Variants in MTA3 observed in about 807,000 individuals in gnomAD.
The protein encoded by MTA3 is metastasis associated 1 family member 3.
Under a neutral mutation model 83.5 loss-of-function variants are expected in MTA3, and 34 were observed. That is an observed-to-expected ratio of 0.41 (90% CI 0.31 to 0.54). The LOEUF (loss-of-function observed/expected upper bound fraction) is 0.54, where lower values mean the gene tolerates loss of function less well. Among genes scored for constraint, MTA3 ranks in the 20% least tolerant of loss-of-function variants. The probability of loss-of-function intolerance (pLI) is 0.33; values close to 1 mark genes in which losing one functional copy is unlikely to be tolerated. For synonymous variants in MTA3, 303 were observed against 252.7 expected (o/e 1.20, Z -1.89); for missense variants, 761 against 726.4 (o/e 1.05, Z -0.55).
At chr2:42,516,319 A>G (rs1675143980) in intron 2 of MTA3, among the ~76,000 whole-genome samples, 2 of 152,230 alleles carry the variant, frequency 1.3e-5, no homozygotes, top group South Asian at 4.1e-4. Context: ...AAGAGTAGAG[A>G]TAAATTATAA....
chr2:42,502,349 G>A (rs1443311917), intron 2 of MTA3, among the ~76,000 whole-genome samples: 3 of 152,150 alleles, frequency 2.0e-5, no homozygotes, highest in Non-Finnish European at 2.9e-5. Context: ...TTGTTAGTCC[G>A]CCATCTGAGG....
At chr2:42,517,544 G>A (rs1026103374) in intron 2 of MTA3, among the ~76,000 whole-genome samples, 1 of 145,980 alleles carries the variant, frequency 6.9e-6, no homozygotes, top group Non-Finnish European at 1.5e-5. Context: ...TTGCACTCCA[G>A]CCTTGGGGAC....
chr2:42,532,859 C>A, intron 2 of MTA3: 1 of 366,262 alleles, frequency 2.7e-6, no homozygotes, highest in Admixed American at 3.3e-5. Context: ...GCTGGCACTT[C>A]AGTTGAACCC....
Position 42,754,929 on chromosome 2 carries a change from G to T in MTA3, c.*1530G>T. ...CAGCTTCTTTTCTGAGGAGGAGTTG[G>T]TTCTCATCTTAGGCTTCTGCAAGGG... is the stretch of plus-strand genomic sequence containing the variant. On this transcript the variant is annotated 3_prime_UTR_variant, in exon 17 of 17. Transcript: ENST00000405094. 2.0e-6 allele frequency: 2 copies of T among 985,602 alleles called. No individual in the cohort carries two copies. Among genetic ancestry groups the T allele is most frequent in the Non-Finnish European group, 2.4e-6 (2 of 830,080 alleles). The allele number at this position is 985,602 out of a possible 1,614,324, so 61.1% of individuals were successfully genotyped here. A position where few individuals can be genotyped will look rare whatever the true frequency, so the allele number is the denominator to read the frequency against.
chr2:42,568,846 C>T, intron 1 of MTA3, 73 bp downstream of exon 1: 1 of 1,203,534 alleles, frequency 8.3e-7, no homozygotes, highest in Non-Finnish European at 1.0e-6. Context: ...CGAGTGCACG[C>T]CAACTGCCGG....
intron 12 of MTA3, among the ~76,000 whole-genome samples, chr2:42,705,962 T>G (rs1424417455): frequency 6.6e-6 from 1 of 152,252 alleles, no homozygotes; most frequent in East Asian, 1.9e-4. Context: ...GAATTTGAGT[T>G]ATTTAAGGAG....
At chr2:42,506,091 G>A (rs944041694) in intron 2 of MTA3, among the ~76,000 whole-genome samples, 1 of 151,952 alleles carries the variant, frequency 6.6e-6, no homozygotes, top group Non-Finnish European at 1.5e-5. Flanking sequence ...TATTGAAGCT[G>A]GATAATGGGG....
chr2:42,662,931 G>C (rs190987853), intron 8 of MTA3, among the ~76,000 whole-genome samples: 3 of 151,858 alleles, frequency 2.0e-5, no homozygotes, highest in Non-Finnish European at 4.4e-5. Flanking sequence ...GGGTTTCACC[G>C]TGTTGGTCAG....
intron 8 of MTA3, among the ~76,000 whole-genome samples, chr2:42,674,528 A>G (rs1226715180): frequency 1.3e-5 from 2 of 151,884 alleles, no homozygotes; most frequent in African/African-American, 4.8e-5. Flanking sequence ...TGGTATCTCT[A>G]TTGAAAACAT....
At chr2:42,687,268 T>C (rs1226422426) in intron 9 of MTA3, among the ~76,000 whole-genome samples, 1 of 152,248 alleles carries the variant, frequency 6.6e-6, no homozygotes, top group Non-Finnish European at 1.5e-5. Flanking sequence ...CCTATAGTTT[T>C]GCCTTTTTCT....
intron 8 of MTA3, among the ~76,000 whole-genome samples, chr2:42,671,692 T>G (rs367788652): frequency 2.0e-5 from 3 of 152,316 alleles, no homozygotes; most frequent in African/African-American, 4.8e-5. Context: ...ATTTAACTTG[T>G]GAGTTAATTT....
chr2:42,731,766 G>C (rs543606161), intron 16 of MTA3, among the ~76,000 whole-genome samples: 1 of 152,088 alleles, frequency 6.6e-6, no homozygotes, highest in Non-Finnish European at 1.5e-5. Flanking sequence ...ACTCATTTTA[G>C]CATTAACCCA....
intron 4 of MTA3, among the ~76,000 whole-genome samples, chr2:42,628,827 G>C (rs1686390117): frequency 6.7e-6 from 1 of 149,430 alleles, no homozygotes; most frequent in South Asian, 2.1e-4. Context: ...TGTTTGAAGG[G>C]AAATTTTTCC....
chr2:42,589,988 A>G (rs931427469), intron 3 of MTA3, among the ~76,000 whole-genome samples: 1 of 152,190 alleles, frequency 6.6e-6, no homozygotes, highest in Non-Finnish European at 1.5e-5. Flanking sequence ...TGAGAAGTGG[A>G]GATGAGGAGA....
At position 42,528,078 on chromosome 2, in the gene MTA3, C is replaced by A. The variant is rs1675800427; in HGVS notation, c.-141+32824C>A. On this transcript the variant is annotated intron_variant, in intron 2 of 17. Transcript: ENST00000405592. ...TAGCTGGGACTACAGGCACGTGCCA[C>A]CATGCCCAGCTAATTTTTTTGTATT... Among the ~76,000 whole-genome samples the A allele has an allele frequency of 3.3e-5, 5 of 152,084 alleles. No homozygotes were observed. The South Asian group carries it at 1.0e-3, about 32-fold the overall frequency.
At chr2:42,631,816 A>G (rs1425690893) in intron 4 of MTA3, among the ~76,000 whole-genome samples, 2 of 151,814 alleles carry the variant, frequency 1.3e-5, no homozygotes, top group African/African-American at 4.8e-5. Flanking sequence ...CAGCCTCCCA[A>G]GTAGCTGGGC....
chr2:42,517,617 C>T (rs1368562873), intron 2 of MTA3, among the ~76,000 whole-genome samples: 1 of 150,178 alleles, frequency 6.7e-6, no homozygotes, highest in East Asian at 2.0e-4. Context: ...TGGCTCATGC[C>T]TGTAATATCC....
intron 2 of MTA3, among the ~76,000 whole-genome samples, chr2:42,514,221 A>G (rs963952347): frequency 2.0e-5 from 3 of 152,190 alleles, no homozygotes; most frequent in African/African-American, 7.2e-5. Context: ...TCAAAAAAAA[A>G]CAACGAGAAA....
intron 15 of MTA3, 115 bp from the exon 16 acceptor site, chr2:42,722,774 G>C: frequency 8.1e-7 from 1 of 1,238,108 alleles, no homozygotes; most frequent in South Asian, 1.5e-5. Flanking sequence ...GCTGGCTCAG[G>C]AGGAACTGAC....
Sources: allele counts gnomAD v4.1 joint callset (sites outside exome capture counted in the v4.1 genomes callset), GRCh38; gene constraint gnomAD v4.1.1; transcripts MANE v1.5; gene names NCBI Gene and HGNC (gene_info 2026-07-23, HGNC 2026-07-21).